Variants in TAMM41 observed in about 807,000 individuals in gnomAD.
The protein encoded by TAMM41 is TAM41 mitochondrial translocator assembly and maintenance homolog.
Under a neutral mutation model 44.1 loss-of-function variants are expected in TAMM41, and 36 were observed. The ratio of observed to expected loss-of-function variants is 0.82; its 90% CI spans 0.63 to 1.08. TAMM41 has a LOEUF of 1.08. Ranked by LOEUF, TAMM41 falls within the 50% of genes least tolerant of loss-of-function variation. The pLI, the probability that TAMM41 is intolerant of heterozygous loss-of-function variation, is 0.00. For missense variants in TAMM41, 417 were observed against 404.3 expected (o/e 1.03, Z -0.27); for synonymous variants, 164 against 153.1 (o/e 1.07, Z -0.53).
intron 2 of TAMM41, chr3:11,843,754 A>G: frequency 2.6e-6 from 1 of 387,158 alleles, no homozygotes; most frequent in East Asian, 4.1e-5. Context: ...AGTCACACCC[A>G]ACCACCTCCT....
intron 3 of TAMM41, chr3:11,830,711 A>G (rs879813970): frequency 6.6e-6 from 1 of 152,108 alleles, no homozygotes; most frequent in Non-Finnish European, 1.5e-5. Flanking sequence ...AAAAACAAAA[A>G]AAACAAACAC....
chr3:11,798,010 A>C (rs1559268604), intron 7 of TAMM41, among the ~76,000 whole-genome samples: 1 of 152,182 alleles, frequency 6.6e-6, no homozygotes, highest in Non-Finnish European at 1.5e-5. Context: ...GAAGCTGGTG[A>C]GGTTGTGGAG....
chr3:11,839,224 G>GT lies in TAMM41; in HGVS notation c.408dup (p.Pro137ThrfsTer14), dbSNP rs1365866986. On this transcript the variant is annotated frameshift_variant, in exon 3 of 8. Coordinates refer to ENST00000455809, the MANE Select transcript of TAMM41 (RefSeq NM_001284401.2). LOFTEE classifies it high-confidence loss of function. ...TGTGCAGCCTATAAAACACTCACCG[G>GT]TTTTTGGAGTCGTCCAGCAATGTAT... is the stretch of plus-strand genomic sequence containing the variant. 6.2e-7 allele frequency: 1 copy of GT among 1,610,246 alleles called. No individual in the cohort carries two copies. Among genetic ancestry groups the GT allele is most frequent in the South Asian group, 1.1e-5 (1 of 90,648 alleles).
chr3:11,733,586 G>A, the TAMM41 span, among the ~76,000 whole-genome samples: 16 of 151,586 alleles, frequency 1.1e-4, no homozygotes, highest in Admixed American at 2.6e-4. Context: ...TCTGCCTCCC[G>A]GGTTCATGCC....
chr3:11,783,238 G>A, the TAMM41 span, among the ~76,000 whole-genome samples: 1 of 151,148 alleles, frequency 6.6e-6, no homozygotes, highest in Non-Finnish European at 1.5e-5. Flanking sequence ...TTATGGTTTT[G>A]CCAAACCACT....
In TAMM41 at chr3:11,846,553, G is replaced by C; in HGVS notation, c.84C>G (p.Phe28Leu). Residue 28 changes from phenylalanine to leucine, a missense_variant, in exon 1 of 8, where the codon TTC becomes TTG. Coordinates refer to ENST00000455809, the MANE Select transcript of TAMM41 (RefSeq NM_001284401.2). Reference sequence around the variant, plus strand: ...GGCGGTACACCCCGGAGCCGTAGACGAAAGCCAGACTCAGCTCCTCGGGGA... The same window carrying C: ...GGCGGTACACCCCGGAGCCGTAGACCAAAGCCAGACTCAGCTCCTCGGGGA... ...SHFPEELSLAFVYGSGVYRQA... is the reference protein window; with the variant it reads ...SHFPEELSLALVYGSGVYRQA... 1.2e-6 allele frequency: 2 copies of C among 1,614,232 alleles called. No individual in the cohort carries two copies. The highest frequency in any genetic ancestry group is 2.2e-5 in the East Asian group (1 of 44,882).
intron 3 of TAMM41, among the ~76,000 whole-genome samples, chr3:11,838,407 G>T (rs746003319): frequency 6.6e-6 from 1 of 152,058 alleles, no homozygotes; most frequent in Non-Finnish European, 1.5e-5. Flanking sequence ...TAGTAGAGAC[G>T]GGGTTTCACC....
intron 5 of TAMM41, 195 bp downstream of exon 5, chr3:11,816,997 A>T: frequency 1.9e-6 from 1 of 522,908 alleles, no homozygotes; most frequent in Non-Finnish European, 3.2e-6. Context: ...TCCCTTCTCC[A>T]AAGGCAGCCT....
the TAMM41 span, among the ~76,000 whole-genome samples, chr3:11,759,888 C>G: frequency 2.0e-5 from 3 of 152,018 alleles, no homozygotes; most frequent in Admixed American, 2.0e-4. Context: ...GCAGGAGAAT[C>G]GCTTGAACCC....
the TAMM41 span, among the ~76,000 whole-genome samples, chr3:11,723,165 G>T: frequency 6.7e-6 from 1 of 148,318 alleles, no homozygotes. Context: ...TTGAGGGGAT[G>T]ATGATGCCAG....
chr3:11,793,059 C>CAAAAAAAA (rs61264653), intron 7 of TAMM41, among the ~76,000 whole-genome samples: 11 of 65,116 alleles, frequency 1.7e-4, no homozygotes, highest in African/African-American at 6.0e-4. Flanking sequence ...GGCCCCATCT[C>CAAAAAAAA]AAAAAAAAAA....
the TAMM41 span, among the ~76,000 whole-genome samples, chr3:11,772,370 C>T: frequency 4.6e-5 from 7 of 152,108 alleles, no homozygotes; most frequent in East Asian, 9.7e-4. Flanking sequence ...CGTGAGCCAC[C>T]GTGCCCAGCC....
At chr3:11,748,500 T>C in the TAMM41 span, among the ~76,000 whole-genome samples, 1 of 151,872 alleles carries the variant, frequency 6.6e-6, no homozygotes, top group African/African-American at 2.4e-5. Context: ...TACCTCACCC[T>C]CCCAAGTAGC....
the TAMM41 span, among the ~76,000 whole-genome samples, chr3:11,764,798 A>C: frequency 2.6e-5 from 4 of 151,814 alleles, no homozygotes; most frequent in Non-Finnish European, 5.9e-5. Flanking sequence ...GGCCCATCTT[A>C]CTCTTTTTCA....
the TAMM41 span, among the ~76,000 whole-genome samples, chr3:11,782,238 G>C: frequency 3.4e-3 from 517 of 152,254 alleles, 6 homozygotes; most frequent in African/African-American, 0.012. Flanking sequence ...TGTTTTCTTG[G>C]TTGTAAAATT....
chr3:11,829,045 G>A (rs2078875637), intron 4 of TAMM41, among the ~76,000 whole-genome samples: 2 of 152,112 alleles, frequency 1.3e-5, no homozygotes, highest in South Asian at 4.1e-4. Context: ...TGGTTGCAGC[G>A]AGGGTGAGTG....
chr3:11,743,831 G>A, the TAMM41 span, among the ~76,000 whole-genome samples: 2 of 152,082 alleles, frequency 1.3e-5, no homozygotes, highest in Admixed American at 1.3e-4. Context: ...TGGCACAGTG[G>A]AGCCTCTTCA....
chr3:11,820,143 CTGAGT>C (rs1017804387), intron 4 of TAMM41, among the ~76,000 whole-genome samples: 1 of 152,116 alleles, frequency 6.6e-6, no homozygotes, highest in Non-Finnish European at 1.5e-5. Flanking sequence ...GGAGTGGTGG[CTGAGT>C]TAACTTCCAA....
intron 5 of TAMM41, among the ~76,000 whole-genome samples, chr3:11,813,327 C>T (rs1168609922): frequency 2.6e-5 from 4 of 152,106 alleles, no homozygotes; most frequent in Non-Finnish European, 5.9e-5. Context: ...GTCAGGAGTT[C>T]AAGACTAGCT....
Sources: allele counts gnomAD v4.1 joint callset (sites outside exome capture counted in the v4.1 genomes callset), GRCh38; gene constraint gnomAD v4.1.1; transcripts MANE v1.5; gene names NCBI Gene and HGNC (gene_info 2026-07-23, HGNC 2026-07-21).